RALGAPA2: variants seen among roughly 807,000 people sequenced by gnomAD.
RALGAPA2 encodes the protein Ral GTPase activating protein catalytic subunit alpha 2.
RALGAPA2 carries 139 observed loss-of-function variants against 230.4 expected under a neutral mutation model. The ratio of observed to expected loss-of-function variants is 0.60; its 90% CI spans 0.53 to 0.69. RALGAPA2 has a LOEUF of 0.69. Ranked by LOEUF, RALGAPA2 falls within the 30% of genes least tolerant of loss-of-function variation. The probability of loss-of-function intolerance (pLI) is 0.00; values close to 1 mark genes in which losing one functional copy is unlikely to be tolerated. For missense variants in RALGAPA2, 2,163 were observed against 2,276.0 expected, an observed-to-expected ratio of 0.95 and a Z score of 1.01; for synonymous variants, 847 against 837.8, an observed-to-expected ratio of 1.01 and a Z score of -0.19.
intron 30 of RALGAPA2, among the ~76,000 whole-genome samples, 181 bp from the exon 31 acceptor site, chr20:20,521,281 T>C (rs2063033714): frequency 6.6e-6 from 1 of 152,152 alleles, no homozygotes; most frequent in Non-Finnish European, 1.5e-5. Context: ...TTCATATCAA[T>C]GCCAAGAAAT....
intron 32 of RALGAPA2, 22 bp downstream of exon 32, chr20:20,512,491 G>A: frequency 6.6e-7 from 1 of 1,525,730 alleles, no homozygotes; most frequent in Non-Finnish European, 8.8e-7. Flanking sequence ...AAAATAACTG[G>A]AGGTCTAGCT....
chr20:20,661,733 G>A (rs2067786013), intron 3 of RALGAPA2, among the ~76,000 whole-genome samples: 1 of 152,088 alleles, frequency 6.6e-6, no homozygotes, highest in Non-Finnish European at 1.5e-5. Context: ...CGAAGACCAA[G>A]TCCATCAGAC....
intron 37 of RALGAPA2, among the ~76,000 whole-genome samples, chr20:20,440,733 C>T (rs1040738634): frequency 2.0e-5 from 3 of 152,238 alleles, no homozygotes; most frequent in African/African-American, 7.2e-5. Flanking sequence ...CTCCCCGGCC[C>T]GGGCCTTCCT....
At chr20:20,681,946 A>G (rs544557537) in intron 1 of RALGAPA2, among the ~76,000 whole-genome samples, 11 of 152,332 alleles carry the variant, frequency 7.2e-5, no homozygotes, top group Admixed American at 5.2e-4. Context: ...CAAGAAAAAA[A>G]TGTGTTGCTC....
At chr20:20,426,391 G>C (rs6112895) in intron 37 of RALGAPA2, among the ~76,000 whole-genome samples, 2 of 152,164 alleles carry the variant, frequency 1.3e-5, no homozygotes, top group Non-Finnish European at 2.9e-5. Context: ...TCTGGTTCTA[G>C]GCTGTGTAAA....
At chr20:20,541,078 G>A (rs1474841762) in intron 24 of RALGAPA2, among the ~76,000 whole-genome samples, 3 of 114,104 alleles carry the variant, frequency 2.6e-5, no homozygotes, top group African/African-American at 6.8e-5. Context: ...TTTTTTTTAC[G>A]TATACAAGAG....
chr20:20,392,985 C>G lies in RALGAPA2; in HGVS notation c.*304G>C. On this transcript the variant is annotated 3_prime_UTR_variant, in exon 40 of 40. Coordinates refer to ENST00000202677, the MANE Select transcript of RALGAPA2 (RefSeq NM_020343.4). ...CATCTCTGGTTTTTGGTGACTTTTTCTTTTCTTCTTTGGAAGTCCAAGGTT... is the reference window on the plus strand; with the variant it reads ...CATCTCTGGTTTTTGGTGACTTTTTGTTTTCTTCTTTGGAAGTCCAAGGTT... The G allele has an allele frequency of 9.3e-7, 1 of 1,077,072 alleles. No individual in the cohort carries two copies. The highest frequency in any genetic ancestry group is 1.2e-6 in the Non-Finnish European group (1 of 810,514). 66.7% of individuals were successfully genotyped at this position (1,077,072 alleles called of 1,614,324 possible). A position where few individuals can be genotyped will look rare whatever the true frequency, so the allele number is the denominator to read the frequency against.
chr20:20,416,903 G>C (rs544305179), intron 37 of RALGAPA2, among the ~76,000 whole-genome samples: 3 of 152,118 alleles, frequency 2.0e-5, no homozygotes, highest in African/African-American at 7.2e-5. Context: ...AAGTGGCCCC[G>C]GACACAGGCA....
intron 3 of RALGAPA2, among the ~76,000 whole-genome samples, chr20:20,661,303 C>T (rs1376861786): frequency 1.3e-5 from 2 of 152,018 alleles, no homozygotes; most frequent in Non-Finnish European, 1.5e-5. Context: ...GGATTACAGG[C>T]GTGTGCCACC....
chr20:20,424,189 T>A (rs2060334996), intron 37 of RALGAPA2, among the ~76,000 whole-genome samples: 1 of 152,206 alleles, frequency 6.6e-6, no homozygotes, highest in Non-Finnish European at 1.5e-5. Context: ...AAGGAGCACA[T>A]CCTTAATTAT....
intron 27 of RALGAPA2, among the ~76,000 whole-genome samples, chr20:20,530,190 AG>A (rs2063330831): frequency 6.6e-6 from 1 of 152,186 alleles, no homozygotes; most frequent in African/African-American, 2.4e-5. Flanking sequence ...GTTCCTAGTC[AG>A]TTCATCTACC....
chr20:20,470,734 T>C (rs2061520664), intron 37 of RALGAPA2, among the ~76,000 whole-genome samples: 3 of 152,238 alleles, frequency 2.0e-5, no homozygotes, highest in Non-Finnish European at 4.4e-5. Context: ...CAACTTGTCA[T>C]GGTATTTTTT....
intron 38 of RALGAPA2, among the ~76,000 whole-genome samples, chr20:20,399,338 C>A (rs1002030977): frequency 1.2e-5 from 1 of 82,438 alleles, no homozygotes; most frequent in African/African-American, 3.7e-5. Context: ...AGCGAAACTC[C>A]GTCTCAAAAA....
chr20:20,624,578 T>C (rs1335991159), intron 10 of RALGAPA2, among the ~76,000 whole-genome samples: 2 of 152,148 alleles, frequency 1.3e-5, no homozygotes, highest in Admixed American at 6.5e-5. Context: ...ATTTATAATA[T>C]AAATGTATAA....
intron 24 of RALGAPA2, among the ~76,000 whole-genome samples, chr20:20,539,720 C>A (rs565844526): frequency 6.6e-6 from 1 of 152,124 alleles, no homozygotes; most frequent in Non-Finnish European, 1.5e-5. Flanking sequence ...CTCATTCATT[C>A]GGCATAACTG....
At chr20:20,621,263 AAT>A (rs1204987767) in intron 10 of RALGAPA2, among the ~76,000 whole-genome samples, 2 of 152,250 alleles carry the variant, frequency 1.3e-5, no homozygotes, top group East Asian at 3.8e-4. Context: ...ACACAATTAT[AAT>A]GCACAACCTG....
chr20:20,673,576 A>C (rs892421350), intron 3 of RALGAPA2, among the ~76,000 whole-genome samples: 5 of 152,090 alleles, frequency 3.3e-5, no homozygotes, highest in African/African-American at 1.2e-4. Flanking sequence ...ACTTGAATCA[A>C]GAAAAAAAAA....
chr20:20,663,658 C>G (rs1349506786), intron 3 of RALGAPA2, among the ~76,000 whole-genome samples: 1 of 152,144 alleles, frequency 6.6e-6, no homozygotes, highest in African/African-American at 2.4e-5. Context: ...GTGGCGCGAT[C>G]TCAGCTCACT....
At chr20:20,541,057 A>ATT (rs56090872) in intron 24 of RALGAPA2, among the ~76,000 whole-genome samples, 4,577 of 140,838 alleles carry the variant, frequency 0.032, 160 homozygotes, top group East Asian at 0.16. Flanking sequence ...AGTCAGGAGA[A>ATT]TTTTTTTTTT....
Sources: gnomAD v4.1 joint callset for allele counts (sites outside exome capture counted in the v4.1 genomes callset) on GRCh38, gnomAD v4.1.1 for gene constraint, MANE v1.5 for transcripts, NCBI Gene and HGNC (gene_info 2026-07-23, HGNC 2026-07-21) for gene names.